Variants in GRID2 observed in about 807,000 individuals in gnomAD.
GRID2 encodes the protein glutamate ionotropic receptor delta type subunit 2, also known as glutamate receptor ionotropic, delta-2.
GRID2 carries 33 observed loss-of-function variants against 114.8 expected under a neutral mutation model. The ratio of observed to expected loss-of-function variants is 0.29; its 90% CI spans 0.22 to 0.38. GRID2 has a LOEUF of 0.38. Ranked by LOEUF, GRID2 falls within the 10% of genes least tolerant of loss-of-function variation. The pLI, the probability that GRID2 is intolerant of heterozygous loss-of-function variation, is 1.00. For missense variants in GRID2, 1,184 were observed against 1,257.7 expected (o/e 0.94, Z 0.89); for synonymous variants, 505 against 449.9 (o/e 1.12, Z -1.55).
At chr4:93,687,163 T>C (rs551045105) in intron 14 of GRID2, among the ~76,000 whole-genome samples, 1 of 152,010 alleles carries the variant, frequency 6.6e-6, no homozygotes, top group African/African-American at 2.4e-5. Context: ...GAGAGAGAGG[T>C]TTATAAAATA....
intron 12 of GRID2, among the ~76,000 whole-genome samples, chr4:93,501,257 C>T (rs1728073666): frequency 6.6e-6 from 1 of 151,980 alleles, no homozygotes; most frequent in East Asian, 1.9e-4. Context: ...AAATGGTATG[C>T]TCTCTAAGTA....
chr4:93,729,730 G>C (rs1354020352), intron 14 of GRID2, among the ~76,000 whole-genome samples: 3 of 151,334 alleles, frequency 2.0e-5, no homozygotes, highest in African/African-American at 2.4e-5. Flanking sequence ...ATTTTTAGTA[G>C]AGATGGAGTT....
intron 10 of GRID2, among the ~76,000 whole-genome samples, chr4:93,436,949 T>C (rs982955457): frequency 6.6e-6 from 1 of 152,152 alleles, no homozygotes; most frequent in Admixed American, 6.6e-5. Context: ...TTGATATATA[T>C]TTTATTTTAC....
intron 1 of GRID2, among the ~76,000 whole-genome samples, chr4:92,542,541 A>T (rs180848272): frequency 6.6e-6 from 1 of 152,228 alleles, no homozygotes; most frequent in African/African-American, 2.4e-5. Flanking sequence ...ATGAAAAAAC[A>T]AACATCGTAT....
At chr4:93,568,712 G>A (rs1003977255) in intron 13 of GRID2, among the ~76,000 whole-genome samples, 3 of 152,010 alleles carry the variant, frequency 2.0e-5, no homozygotes, top group East Asian at 3.9e-4. Flanking sequence ...AAACCATCAG[G>A]GAGTGCACTA....
intron 8 of GRID2, among the ~76,000 whole-genome samples, chr4:93,339,663 C>G (rs908560340): frequency 2.2e-5 from 3 of 134,850 alleles, no homozygotes; most frequent in Admixed American, 6.8e-5. Flanking sequence ...TTCTTTCTCT[C>G]AGGAAAAAAT....
intron 2 of GRID2, among the ~76,000 whole-genome samples, chr4:92,687,258 T>C (rs971970663): frequency 1.3e-5 from 2 of 152,040 alleles, no homozygotes; most frequent in Non-Finnish European, 2.9e-5. Flanking sequence ...AAACCTGCTC[T>C]TTTTGAAGCA....
chr4:92,437,291 T>C (rs1003302529), intron 1 of GRID2, among the ~76,000 whole-genome samples: 3 of 152,200 alleles, frequency 2.0e-5, no homozygotes, highest in Non-Finnish European at 4.4e-5. Context: ...TTTTTAGTTT[T>C]TGTTTTGAGA....
intron 2 of GRID2, among the ~76,000 whole-genome samples, chr4:92,996,899 C>CA (rs1202089896): frequency 6.6e-6 from 1 of 152,074 alleles, no homozygotes; most frequent in South Asian, 2.1e-4. Flanking sequence ...ACCAGATAGA[C>CA]AGTTAGCAAG....
chr4:93,357,622 T>G (rs1032582577), intron 8 of GRID2, among the ~76,000 whole-genome samples: 4 of 151,594 alleles, frequency 2.6e-5, no homozygotes, highest in Non-Finnish European at 5.9e-5. Context: ...GCAATATAGT[T>G]TATATTAAAA....
rs1030139216 is a variant in GRID2 at position 93,213,634 on chromosome 4, C to T, written c.790-3104C>T. 2.0e-5 allele frequency among the ~76,000 whole-genome samples: 3 copies of T among 152,114 alleles called. No individual in the cohort carries two copies. In the East Asian group the frequency reaches 5.8e-4, roughly 29 times the overall value. ...TGTTATTTTTAGTCTAAATTGGCAT[C>T]TGATCCAATGGATTTTGAGAGTCTT... On this transcript the variant is annotated intron_variant, in intron 5 of 15. Transcript: ENST00000282020.
intron 12 of GRID2, among the ~76,000 whole-genome samples, chr4:93,503,432 A>C (rs865846621): frequency 6.6e-6 from 1 of 150,560 alleles, no homozygotes; most frequent in Non-Finnish European, 1.5e-5. Context: ...CCATTAACTC[A>C]TCATTTAGCA....
At chr4:93,163,734 G>A (rs1737979578) in intron 4 of GRID2, among the ~76,000 whole-genome samples, 1 of 151,822 alleles carries the variant, frequency 6.6e-6, no homozygotes, top group Non-Finnish European at 1.5e-5. Flanking sequence ...AAGGAACAAT[G>A]TCATGTAACA....
chr4:93,019,489 G>C (rs547145972), intron 2 of GRID2, among the ~76,000 whole-genome samples: 2 of 152,080 alleles, frequency 1.3e-5, no homozygotes, highest in East Asian at 3.9e-4. Context: ...TTAAGACCTG[G>C]GTGAAATGAT....
At chr4:92,586,523 TG>T (rs1728458852) in intron 1 of GRID2, among the ~76,000 whole-genome samples, 1 of 152,010 alleles carries the variant, frequency 6.6e-6, no homozygotes, top group Admixed American at 6.6e-5. Flanking sequence ...AACATAATTA[TG>T]TTTTTTTAAC....
At chr4:93,775,103 G>T (rs1734338989), downstream of GRID2, among the ~76,000 whole-genome samples, 2 of 149,262 alleles carry the variant, frequency 1.3e-5, no homozygotes, top group South Asian at 4.2e-4. Context: ...ACACACCTAA[G>T]GGATATATAT....
At chr4:93,367,329 A>T (rs1250728014) in intron 8 of GRID2, among the ~76,000 whole-genome samples, 3 of 151,892 alleles carry the variant, frequency 2.0e-5, no homozygotes, top group Non-Finnish European at 2.9e-5. Context: ...TCATGCCATC[A>T]TCAAATTTAG....
intron 11 of GRID2, among the ~76,000 whole-genome samples, chr4:93,476,096 A>T (rs1399324000): frequency 6.6e-6 from 1 of 152,164 alleles, no homozygotes; most frequent in African/African-American, 2.4e-5. Context: ...GGAAAGTAGC[A>T]TTTGTATATA....
chr4:92,639,650 AG>A (rs1731247920), intron 2 of GRID2, among the ~76,000 whole-genome samples: 1 of 151,618 alleles, frequency 6.6e-6, no homozygotes, highest in Non-Finnish European at 1.5e-5. Context: ...TGGGGGAATG[AG>A]GGGGGCCTGG....
Sources: allele counts gnomAD v4.1 joint callset (sites outside exome capture counted in the v4.1 genomes callset), GRCh38; gene constraint gnomAD v4.1.1; transcripts MANE v1.5; gene names NCBI Gene and HGNC (gene_info 2026-07-23, HGNC 2026-07-21).